Variants in SDK1 observed in about 807,000 individuals in gnomAD.
The protein encoded by SDK1 is protein sidekick-1.
A neutral mutation model predicts 245.5 loss-of-function variants in SDK1; 157 were observed. The observed-to-expected ratio is 0.64, with a 90% CI of 0.56 to 0.73. SDK1 has a LOEUF of 0.73. SDK1 is among the 30% of genes least tolerant of loss of function. The probability of loss-of-function intolerance (pLI) is 0.00; values close to 1 mark genes in which losing one functional copy is unlikely to be tolerated. For synonymous variants in SDK1, 1,647 were observed against 1,278.5 expected (o/e 1.29, Z -6.15); for missense variants, 3,583 against 3,002.3 (o/e 1.19, Z -4.52).
At chr7:3,639,711 T>G (rs1782590664) in intron 3 of SDK1, among the ~76,000 whole-genome samples, 1 of 152,164 alleles carries the variant, frequency 6.6e-6, no homozygotes, top group Non-Finnish European at 1.5e-5. Context: ...GAACTTGGCC[T>G]ATGAAAGTAT....
At chr7:3,927,503 G>T (rs1779813222) in intron 5 of SDK1, among the ~76,000 whole-genome samples, 1 of 152,190 alleles carries the variant, frequency 6.6e-6, no homozygotes, top group Non-Finnish European at 1.5e-5. Flanking sequence ...GCCTGCCAGG[G>T]TCAGAGAGCT....
intron 1 of SDK1, among the ~76,000 whole-genome samples, chr7:3,472,545 G>T (rs1321301040): frequency 1.3e-5 from 2 of 152,144 alleles, no homozygotes; most frequent in Admixed American, 1.3e-4. Context: ...TATCTTAATA[G>T]AATAATTATA....
intron 1 of SDK1, among the ~76,000 whole-genome samples, chr7:3,317,372 T>A (rs2128545709): frequency 6.6e-6 from 1 of 152,252 alleles, no homozygotes; most frequent in South Asian, 2.1e-4. Context: ...AAACTGGTCA[T>A]CTTGTGTTTT....
chr7:3,853,144 T>C (rs1286040269), intron 5 of SDK1, among the ~76,000 whole-genome samples: 6 of 151,198 alleles, frequency 4.0e-5, no homozygotes, highest in African/African-American at 1.5e-4. Flanking sequence ...CCACACTTGG[T>C]TGAAAAAAAA....
In SDK1 at chr7:4,267,754, GT is replaced by G. The variant is rs1788557616; in HGVS notation, c.*2374del. ...CATGACACTTCTGTTTCAAGCTCATGTTTTCCGTCTCCCCTCCACTCTTAGT... is the reference window on the plus strand; with the variant it reads ...CATGACACTTCTGTTTCAAGCTCATGTTTCCGTCTCCCCTCCACTCTTAGT... On this transcript the variant is annotated 3_prime_UTR_variant, in exon 45 of 45. Coordinates refer to ENST00000404826, the MANE Select transcript of SDK1 (RefSeq NM_152744.4). The G allele has an allele frequency of 1.0e-6, 1 of 985,392 alleles. No individual in the cohort carries two copies. The highest frequency in any genetic ancestry group is 1.7e-5 in the African/African-American group (1 of 57,258). The allele number at this position is 985,392 out of a possible 1,614,324, so 61.0% of individuals were successfully genotyped here.
At chr7:3,591,716 C>T (rs891258483) in intron 1 of SDK1, among the ~76,000 whole-genome samples, 9 of 152,190 alleles carry the variant, frequency 5.9e-5, no homozygotes, top group African/African-American at 2.2e-4. Flanking sequence ...ATTCTTTGCA[C>T]TCGTGTGGGG....
chr7:3,575,797 G>A (rs894043024), intron 1 of SDK1, among the ~76,000 whole-genome samples: 6 of 151,964 alleles, frequency 3.9e-5, no homozygotes, highest in South Asian at 4.1e-4. Context: ...TCATTGAAAC[G>A]CAAAACACAA....
chr7:3,710,589 C>G (rs1373931416), intron 4 of SDK1, among the ~76,000 whole-genome samples: 2 of 152,188 alleles, frequency 1.3e-5, no homozygotes. Context: ...TGTTTTATCT[C>G]CTGTGCTAAA....
intron 4 of SDK1, among the ~76,000 whole-genome samples, chr7:3,674,269 G>T (rs1783819219): frequency 6.6e-6 from 1 of 152,144 alleles, no homozygotes. Flanking sequence ...TACAGATGGA[G>T]GCAATTTGAG....
At chr7:3,534,601 C>CT (rs1778819873) in intron 1 of SDK1, among the ~76,000 whole-genome samples, 1 of 152,106 alleles carries the variant, frequency 6.6e-6, no homozygotes, top group African/African-American at 2.4e-5. Context: ...TGCACTGTGG[C>CT]TTAGCTTTGC....
chr7:3,448,125 C>T (rs1275949807), intron 1 of SDK1, among the ~76,000 whole-genome samples: 3 of 152,116 alleles, frequency 2.0e-5, no homozygotes, highest in Non-Finnish European at 4.4e-5. Context: ...AGATTTCTTT[C>T]CTAAATGTTT....
intron 17 of SDK1, among the ~76,000 whole-genome samples, chr7:4,045,570 T>C (rs1205386325): frequency 6.6e-6 from 1 of 152,172 alleles, no homozygotes; most frequent in Non-Finnish European, 1.5e-5. Context: ...ATGTGAACTT[T>C]TACATGTCTT....
At chr7:4,108,269 G>C (rs898138470) in intron 22 of SDK1, among the ~76,000 whole-genome samples, 3 of 152,176 alleles carry the variant, frequency 2.0e-5, no homozygotes, top group Non-Finnish European at 4.4e-5. Flanking sequence ...TGACTCAAGA[G>C]CTAGTCCAAC....
intron 4 of SDK1, among the ~76,000 whole-genome samples, chr7:3,713,517 C>T (rs903560864): frequency 1.3e-5 from 2 of 152,188 alleles, no homozygotes; most frequent in Non-Finnish European, 1.5e-5. Context: ...CTCCCCCACC[C>T]GCAGCACTGG....
At chr7:3,457,276 C>G (rs1188029551) in intron 1 of SDK1, among the ~76,000 whole-genome samples, 1 of 152,152 alleles carries the variant, frequency 6.6e-6, no homozygotes, top group Non-Finnish European at 1.5e-5. Context: ...ATAAGATGCC[C>G]TGCCATTACG....
intron 1 of SDK1, among the ~76,000 whole-genome samples, chr7:3,501,742 G>A (rs1315649963): frequency 6.6e-6 from 1 of 152,066 alleles, no homozygotes; most frequent in East Asian, 1.9e-4. Context: ...TTTTGTTGAA[G>A]TATGTGCAGT....
chr7:3,824,324 C>A (rs1187181099), intron 5 of SDK1, among the ~76,000 whole-genome samples: 1 of 152,092 alleles, frequency 6.6e-6, no homozygotes, highest in Non-Finnish European at 1.5e-5. Flanking sequence ...TTCTGGCCAG[C>A]GTTTCTGAAA....
rs141176878 is a variant in SDK1, at chr7:3,588,780, T to C, written c.299-30300T>C. Among the ~76,000 whole-genome samples, 242 of 152,324 alleles carry C rather than the reference T, an allele frequency of 1.6e-3. 1 individual carries two copies. Among genetic ancestry groups the C allele is most frequent in the African/African-American group, 5.6e-3 (232 of 41,570 alleles). ...AATAGTTTATTATATGTGAGAAAAT[T>C]GATAAAAGTGTAAAGCTACTTTGCA... is the stretch of plus-strand genomic sequence containing the variant. On this transcript the variant is annotated intron_variant, in intron 1 of 44. Coordinates refer to ENST00000404826, the MANE Select transcript of SDK1 (RefSeq NM_152744.4).
chr7:4,033,381 G>T (rs1301082702), intron 17 of SDK1, among the ~76,000 whole-genome samples: 1 of 152,132 alleles, frequency 6.6e-6, no homozygotes, highest in East Asian at 1.9e-4. Context: ...ACTAGTTTTA[G>T]TCTCTCTAAC....
Sources: gnomAD v4.1 joint callset for allele counts (sites outside exome capture counted in the v4.1 genomes callset) on GRCh38, gnomAD v4.1.1 for gene constraint, MANE v1.5 for transcripts, NCBI Gene and HGNC (gene_info 2026-07-23, HGNC 2026-07-21) for gene names.